Variants in TXNRD1 observed in about 807,000 individuals in gnomAD.
TXNRD1 encodes the protein thioredoxin reductase 1, cytoplasmic.
TXNRD1 carries 57 observed loss-of-function variants against 80.3 expected under a neutral mutation model. The observed-to-expected ratio is 0.71, with a 90% CI of 0.57 to 0.89. The LOEUF (loss-of-function observed/expected upper bound fraction) is 0.89, where lower values mean the gene tolerates loss of function less well. Among genes scored for constraint, TXNRD1 ranks in the 40% least tolerant of loss-of-function variants. The pLI is 0.00. For missense variants in TXNRD1, 730 were observed against 803.0 expected (o/e 0.91, Z 1.10); for synonymous variants, 291 against 285.2 (o/e 1.02, Z -0.20).
rs11422121 is a variant in TXNRD1, at chr12:104,262,778, GT to G, written c.304+4709del. Among the ~76,000 whole-genome samples the G allele has an allele frequency of 8.7e-5, 13 of 149,200 alleles. No homozygotes were observed. In the East Asian group the frequency reaches 1.4e-3, roughly 16 times the overall value. On this transcript the variant is annotated intron_variant, in intron 3 of 16. Coordinates refer to ENST00000525566, the MANE Select transcript of TXNRD1 (RefSeq NM_001093771.3). ...GTCTAAAGGAATTAGACTTGTTTGT[GT>G]TTTTTTTTTCTTTTTTTTCCCAGCA...
intron 10 of TXNRD1, 44 bp from the exon 11 acceptor site, chr12:104,325,293 G>T: frequency 6.7e-7 from 1 of 1,482,840 alleles, no homozygotes; most frequent in South Asian, 1.2e-5. Flanking sequence ...AATCCAACTT[G>T]ATAAATGTCT....
chr12:104,258,032 T>G lies in TXNRD1; in HGVS notation c.257T>G (p.Phe86Cys). 4 of 1,551,000 alleles carry G rather than the reference T, an allele frequency of 2.6e-6. No individual in the cohort carries two copies. Among genetic ancestry groups the G allele is most frequent in the Non-Finnish European group, 3.5e-6 (4 of 1,146,962 alleles). Residue 86 changes from phenylalanine (F) to cysteine (C), a missense_variant, in exon 3 of 17, where the codon TTT (phenylalanine) becomes TGT (cysteine). Phe to Cys is a radical substitution (Grantham distance 205). Coordinates refer to ENST00000525566, the MANE Select transcript of TXNRD1 (RefSeq NM_001093771.3). ...AACTTCTTCCAGGTAAAGAAGTTAT[T>G]TAAATCTCTGTGTGTTCCTTATTTT... ...CTRCTEVKKL[F>C]KSLCVPYFVL...
intron 1 of TXNRD1, among the ~76,000 whole-genome samples, chr12:104,233,839 AG>A (rs1459796052): frequency 1.9e-4 from 29 of 152,126 alleles, no homozygotes; most frequent in African/African-American, 6.8e-4. Flanking sequence ...TGAATTATTT[AG>A]GGCCGTAAAT....
chr12:104,325,488 A>G (rs2035726579), intron 11 of TXNRD1, 59 bp downstream of exon 11: 4 of 1,236,640 alleles, frequency 3.2e-6, no homozygotes, highest in African/African-American at 1.5e-5. Context: ...CTTATTGGGT[A>G]TCTTATAGGA....
At chr12:104,256,366 G>A (rs773939117) in intron 2 of TXNRD1, among the ~76,000 whole-genome samples, 5 of 152,204 alleles carry the variant, frequency 3.3e-5, no homozygotes, top group Non-Finnish European at 7.3e-5. Flanking sequence ...AAAGTGCAAA[G>A]ATAATCCCTC....
chr12:104,333,098 A>G (rs1303094288), intron 14 of TXNRD1, among the ~76,000 whole-genome samples: 1 of 151,944 alleles, frequency 6.6e-6, no homozygotes, highest in Non-Finnish European at 1.5e-5. Flanking sequence ...TTCTTCTTTT[A>G]AGGGGTGCTA....
chr12:104,286,281 G>A (rs1277693046), intron 3 of TXNRD1: 3 of 152,244 alleles, frequency 2.0e-5, no homozygotes, highest in South Asian at 4.1e-4. Context: ...AGGGAAGCAT[G>A]AGAGAGCATG....
intron 4 of TXNRD1, among the ~76,000 whole-genome samples, chr12:104,300,129 G>A (rs2034572017): frequency 6.6e-6 from 1 of 152,210 alleles, no homozygotes; most frequent in Non-Finnish European, 1.5e-5. Context: ...GGAGACATGT[G>A]ACCTTTGTCA....
intron 3 of TXNRD1, chr12:104,284,287 G>A (rs1000550711): frequency 6.6e-5 from 10 of 152,212 alleles, no homozygotes; most frequent in Admixed American, 5.2e-4. Flanking sequence ...AATGTTTCCT[G>A]CTTTAAGTGG....
intron 16 of TXNRD1, among the ~76,000 whole-genome samples, chr12:104,340,447 A>G (rs192689094): frequency 6.6e-6 from 1 of 152,284 alleles, no homozygotes; most frequent in East Asian, 1.9e-4. Flanking sequence ...AATAGCAGAT[A>G]TTTCCTCCCT....
In TXNRD1 at chr12:104,339,222, G is replaced by C; in HGVS notation, c.1830G>C (p.Leu610=). ...TTGCAGCTGCGCTCAAATGTGGACT[G>C]ACCAAAAAGCAGCTGGACAGCACAA... ...QGFAAALKCG[L]TKKQLDSTIG... The change falls in exon 16 of 17, where the codon CTG becomes CTC. Residue 610 remains leucine (L), a synonymous_variant. Transcript: ENST00000525566. The C allele has an allele frequency of 6.2e-7, 1 of 1,613,936 alleles. No individual in the cohort carries two copies. The highest frequency in any genetic ancestry group is 8.5e-7 in the Non-Finnish European group (1 of 1,179,874).
At position 104,326,411 on chromosome 12, in the gene TXNRD1, A is replaced by G. The variant is rs753112371; in HGVS notation, c.1373A>G (p.Lys458Arg). 3.2e-6 allele frequency: 5 copies of G among 1,569,904 alleles called. No homozygotes were observed. In the South Asian group the frequency reaches 3.6e-5, roughly 11 times the overall value. The change falls in exon 12 of 17, where the codon AAG (lysine) becomes AGG (arginine). Residue 458 changes from lysine to arginine, a missense_variant. Transcript: ENST00000525566. ...ATTGGCTTAGAAACCGTAGGGGTGA[A>G]GATAAATGAAAAGTAAGAAAAAAAT... ...RKIGLETVGV[K>R]INEKTGKIPV...
chr12:104,339,960 A>G (rs989977808), intron 16 of TXNRD1, among the ~76,000 whole-genome samples: 13 of 152,262 alleles, frequency 8.5e-5, no homozygotes, highest in African/African-American at 3.1e-4. Flanking sequence ...ACACACACAC[A>G]TATGCACATT....
At chr12:104,275,274 A>G (rs2033733515) in intron 3 of TXNRD1, among the ~76,000 whole-genome samples, 1 of 151,706 alleles carries the variant, frequency 6.6e-6, no homozygotes, top group Non-Finnish European at 1.5e-5. Flanking sequence ...GCCAAACTCC[A>G]TCTCAAAAAA....
chr12:104,326,390 G>A lies in TXNRD1; in HGVS notation c.1352G>A (p.Gly451Asp), dbSNP rs1302367630. ...AGAGATGCTTGCACAAGAAAAATTG[G>A]CTTAGAAACCGTAGGGGTGAAGATA... The part of the protein sequence containing the change: ...IGRDACTRKI[G>D]LETVGVKINE... The change falls in exon 12 of 17, where the codon GGC becomes GAC. Residue 451 changes from glycine (G) to aspartate (D), a missense_variant. Gly to Asp is a moderately conservative substitution (Grantham distance 94). Transcript: ENST00000525566. The A allele has an allele frequency of 1.8e-5, 29 of 1,595,526 alleles. No homozygotes were observed. Among genetic ancestry groups the A allele is most frequent in the Non-Finnish European group, 2.5e-5 (29 of 1,172,440 alleles).
intron 1 of TXNRD1, among the ~76,000 whole-genome samples, chr12:104,231,297 G>A (rs2032616690): frequency 6.6e-6 from 1 of 152,116 alleles, no homozygotes; most frequent in Non-Finnish European, 1.5e-5. Context: ...TGTCGAATGG[G>A]GAACAGCAGC....
At chr12:104,222,967 C>G (rs1593678389) in intron 1 of TXNRD1, among the ~76,000 whole-genome samples, 2 of 152,314 alleles carry the variant, frequency 1.3e-5, no homozygotes, top group East Asian at 3.9e-4. Flanking sequence ...AAGTCAAGTA[C>G]AGATACACTC....
At chr12:104,217,743 G>A (rs375557827) in intron 1 of TXNRD1, among the ~76,000 whole-genome samples, 8 of 152,118 alleles carry the variant, frequency 5.3e-5, no homozygotes, top group African/African-American at 9.6e-5. Flanking sequence ...TTCATTTGCC[G>A]TTTCCCCCAG....
chr12:104,241,937 A>ATTTTTTT (rs747774973), intron 1 of TXNRD1, among the ~76,000 whole-genome samples: 1,163 of 96,054 alleles, frequency 0.012, 21 homozygotes, highest in Non-Finnish European at 0.014. Context: ...TATACTAATG[A>ATTTTTTT]TTTTTTTTTT....
Sources: gnomAD v4.1 joint callset for allele counts (sites outside exome capture counted in the v4.1 genomes callset) on GRCh38, gnomAD v4.1.1 for gene constraint, MANE v1.5 for transcripts, NCBI Gene and HGNC (gene_info 2026-07-23, HGNC 2026-07-21) for gene names.